Variants in NOX4 observed in about 807,000 individuals in gnomAD.
NOX4 encodes the protein kidney oxidase-1.
A neutral mutation model predicts 87.6 loss-of-function variants in NOX4; 69 were observed. The observed-to-expected ratio is 0.79, with a 90% CI of 0.65 to 0.96. The LOEUF is 0.96. Ranked by LOEUF, NOX4 falls within the 40% of genes least tolerant of loss-of-function variation. The pLI is 0.00. For missense variants in NOX4, 680 were observed against 681.5 expected, an observed-to-expected ratio of 1.00 and a Z score of 0.02; for synonymous variants, 275 against 238.2, an observed-to-expected ratio of 1.15 and a Z score of -1.42.
At chr11:89,356,367 T>C (rs1389896928) in intron 12 of NOX4, among the ~76,000 whole-genome samples, 2 of 147,038 alleles carry the variant, frequency 1.4e-5, no homozygotes, top group African/African-American at 5.1e-5. Context: ...TAAACTTCAG[T>C]GCATATGAAT....
chr11:89,417,410 T>C (rs1015941467), intron 8 of NOX4, among the ~76,000 whole-genome samples: 4 of 152,100 alleles, frequency 2.6e-5, no homozygotes, highest in Non-Finnish European at 5.9e-5. Flanking sequence ...ATTGAATACC[T>C]TTAAATTCCT....
At chr11:89,519,289 T>G in the NOX4 span, among the ~76,000 whole-genome samples, 2 of 152,028 alleles carry the variant, frequency 1.3e-5, no homozygotes, top group Non-Finnish European at 2.9e-5. Context: ...TTTTAATTTA[T>G]TTATTTTTGA....
intron 15 of NOX4, 112 bp downstream of exon 15, chr11:89,339,951 T>C (rs1451275535): frequency 1.1e-5 from 6 of 535,878 alleles, no homozygotes; most frequent in Non-Finnish European, 2.0e-5. Context: ...GCTACTTATC[T>C]GCATAATTTC....
At chr11:89,569,881 A>T in the NOX4 span, among the ~76,000 whole-genome samples, 339 of 152,092 alleles carry the variant, frequency 2.2e-3, no homozygotes, top group Admixed American at 6.0e-3. Context: ...GGGCGCCTGT[A>T]ATTCCAGCTA....
the NOX4 span, among the ~76,000 whole-genome samples, chr11:89,571,610 A>T: frequency 6.6e-6 from 1 of 152,004 alleles, no homozygotes; most frequent in Non-Finnish European, 1.5e-5. Flanking sequence ...CTTTTTAAAT[A>T]AGCAAAATTA....
intron 11 of NOX4, among the ~76,000 whole-genome samples, chr11:89,387,830 GGATTT>G (rs1324770423): frequency 6.6e-6 from 1 of 152,198 alleles, no homozygotes; most frequent in East Asian, 1.9e-4. Context: ...CCTTAATAAA[GGATTT>G]GATTTGGTAG....
chr11:89,426,573 A>C (rs1943430003), intron 7 of NOX4, among the ~76,000 whole-genome samples: 1 of 152,142 alleles, frequency 6.6e-6, no homozygotes, highest in African/African-American at 2.4e-5. Flanking sequence ...CCAGGAGATT[A>C]TATCCCACGC....
intron 2 of NOX4, among the ~76,000 whole-genome samples, chr11:89,466,454 A>T (rs1235404084): frequency 6.6e-6 from 1 of 152,236 alleles, no homozygotes; most frequent in Admixed American, 6.5e-5. Context: ...CACAGTCTAA[A>T]AAATGCAGGC....
intron 2 of NOX4, among the ~76,000 whole-genome samples, chr11:89,464,593 C>T (rs1296404979): frequency 6.6e-6 from 1 of 152,068 alleles, no homozygotes; most frequent in African/African-American, 2.4e-5. Flanking sequence ...AAAATGACTG[C>T]TCTAAGTTAT....
the NOX4 span, among the ~76,000 whole-genome samples, chr11:89,515,225 C>T: frequency 6.6e-6 from 1 of 152,146 alleles, no homozygotes; most frequent in East Asian, 1.9e-4. Flanking sequence ...TTAAAATCTT[C>T]ACCAGAAGTG....
At chr11:89,339,694 T>C (rs1945890675) in intron 15 of NOX4, among the ~76,000 whole-genome samples, 1 of 152,142 alleles carries the variant, frequency 6.6e-6, no homozygotes, top group Non-Finnish European at 1.5e-5. Flanking sequence ...GAACAGAGGA[T>C]GGAAGGTGTT....
chr11:89,412,307 AGACCAAATG>A, intron 8 of NOX4, among the ~76,000 whole-genome samples: 1 of 152,324 alleles, frequency 6.6e-6, no homozygotes, highest in East Asian at 1.9e-4. Flanking sequence ...TCTGCACTAT[AGACCAAATG>A]GACCTAATAA....
chr11:89,499,473 A>G (rs1946995194), upstream of NOX4, among the ~76,000 whole-genome samples: 1 of 152,208 alleles, frequency 6.6e-6, no homozygotes, highest in Non-Finnish European at 1.5e-5. Context: ...TTGTTACAGA[A>G]GAAGTTCAGG....
chr11:89,326,964 T>G, intron 17 of NOX4, 88 bp from the exon 18 acceptor site: 1 of 1,242,744 alleles, frequency 8.0e-7, no homozygotes, highest in Non-Finnish European at 1.1e-6. Flanking sequence ...TGGTTTAAAG[T>G]ATTAACAAAG....
the NOX4 span, among the ~76,000 whole-genome samples, chr11:89,567,162 C>T: frequency 6.6e-6 from 1 of 152,170 alleles, no homozygotes; most frequent in Non-Finnish European, 1.5e-5. Flanking sequence ...GCTGGTCCTT[C>T]TCTGGGGCAC....
chr11:89,429,526 A>T (rs1216917843), intron 7 of NOX4, among the ~76,000 whole-genome samples: 2 of 152,226 alleles, frequency 1.3e-5, no homozygotes, highest in Non-Finnish European at 2.9e-5. Flanking sequence ...GATACAGGGG[A>T]TATCAACACC....
the NOX4 span, among the ~76,000 whole-genome samples, chr11:89,528,586 T>C: frequency 5.3e-5 from 8 of 152,176 alleles, no homozygotes; most frequent in Non-Finnish European, 2.9e-5. Context: ...TTATGAGATC[T>C]GATGGTTTTA....
chr11:89,337,203 A>T (rs1048528394), intron 16 of NOX4, among the ~76,000 whole-genome samples: 1 of 152,012 alleles, frequency 6.6e-6, no homozygotes, highest in Non-Finnish European at 1.5e-5. Flanking sequence ...TTTTAGAAGA[A>T]CTTGAGGCGA....
chr11:89,506,555 C>A, the NOX4 span, among the ~76,000 whole-genome samples: 1 of 151,548 alleles, frequency 6.6e-6, no homozygotes, highest in Non-Finnish European at 1.5e-5. Flanking sequence ...ACACCAAAAT[C>A]ATGATCTATA....
Sources: gnomAD v4.1 joint callset for allele counts (sites outside exome capture counted in the v4.1 genomes callset) on GRCh38, gnomAD v4.1.1 for gene constraint, MANE v1.5 for transcripts, NCBI Gene and HGNC (gene_info 2026-07-23, HGNC 2026-07-21) for gene names.